Variants in DNAH11 observed in about 807,000 individuals in gnomAD.
The protein encoded by DNAH11 is axonemal beta dynein heavy chain 11.
A neutral mutation model predicts 526.0 loss-of-function variants in DNAH11; 442 were observed. The observed-to-expected ratio is 0.84, with a 90% CI of 0.78 to 0.91. The LOEUF (loss-of-function observed/expected upper bound fraction) is 0.91, where lower values mean the gene tolerates loss of function less well. DNAH11 is among the 40% of genes least tolerant of loss of function. The pLI is 0.00. For synonymous variants in DNAH11, 2,461 were observed against 1,935.9 expected (o/e 1.27, Z -7.12); for missense variants, 6,989 against 5,448.7 (o/e 1.28, Z -8.90).
intron 8 of DNAH11, 123 bp from the exon 9 acceptor site, chr7:21,581,782 A>C (rs1197219123): frequency 9.4e-6 from 6 of 641,314 alleles, no homozygotes; most frequent in Admixed American, 5.7e-5. Flanking sequence ...GCTATGAAAA[A>C]TAAATTCACT....
chr7:21,780,413 A>G (rs953608924), intron 57 of DNAH11, among the ~76,000 whole-genome samples: 7 of 152,160 alleles, frequency 4.6e-5, no homozygotes, highest in Admixed American at 3.9e-4. Context: ...AAAGCGTGTT[A>G]TTCCATTGAG....
chr7:21,898,604 C>A (rs1248717851), intron 79 of DNAH11, among the ~76,000 whole-genome samples: 1 of 152,162 alleles, frequency 6.6e-6, no homozygotes, highest in Non-Finnish European at 1.5e-5. Flanking sequence ...CTGAAACTTA[C>A]AATTCAAGGT....
At chr7:21,663,439 C>G (rs139624315) in intron 30 of DNAH11, among the ~76,000 whole-genome samples, 1 of 152,212 alleles carries the variant, frequency 6.6e-6, no homozygotes, top group Non-Finnish European at 1.5e-5. Flanking sequence ...TATATTCTCA[C>G]GAAGAATGTA....
intron 66 of DNAH11, among the ~76,000 whole-genome samples, chr7:21,849,970 AT>A (rs1262572082): frequency 7.1e-6 from 1 of 140,802 alleles, no homozygotes; most frequent in Non-Finnish European, 1.6e-5. Context: ...TTCCTTTTTA[AT>A]TTTTATTCTT....
chr7:21,647,715 G>C (rs1787426246), intron 28 of DNAH11, among the ~76,000 whole-genome samples: 1 of 151,862 alleles, frequency 6.6e-6, no homozygotes, highest in South Asian at 2.1e-4. Context: ...ACAGGCATTA[G>C]CCACTGCACC....
chr7:21,592,574 C>G (rs756683472), intron 14 of DNAH11, among the ~76,000 whole-genome samples: 2 of 152,050 alleles, frequency 1.3e-5, no homozygotes, highest in East Asian at 3.9e-4. Flanking sequence ...CAGAGACTTT[C>G]TGCTCAAAGG....
intron 35 of DNAH11, among the ~76,000 whole-genome samples, chr7:21,694,111 C>T (rs1270181502): frequency 2.0e-5 from 3 of 152,162 alleles, no homozygotes; most frequent in African/African-American, 7.2e-5. Flanking sequence ...AACTACAATT[C>T]AACATGAGAT....
intron 72 of DNAH11, 86 bp from the exon 73 acceptor site, chr7:21,868,778 C>T: frequency 6.5e-7 from 1 of 1,539,176 alleles, no homozygotes; most frequent in Non-Finnish European, 8.9e-7. Context: ...GCGGTGACCA[C>T]AGATGTGCAT....
At chr7:21,627,873 G>T (rs1211620502) in intron 25 of DNAH11, among the ~76,000 whole-genome samples, 1 of 152,002 alleles carries the variant, frequency 6.6e-6, no homozygotes, top group South Asian at 2.1e-4. Context: ...GGGTAATATT[G>T]TCATTTTAAC....
chr7:21,669,512 A>G (rs1324986341), intron 30 of DNAH11, among the ~76,000 whole-genome samples: 2 of 151,962 alleles, frequency 1.3e-5, no homozygotes, highest in African/African-American at 2.4e-5. Flanking sequence ...TTTATTTGGG[A>G]TACAAGTTTT....
At chr7:21,789,831 TC>T (rs754406996) in intron 61 of DNAH11, among the ~76,000 whole-genome samples, 39 of 144,022 alleles carry the variant, frequency 2.7e-4, no homozygotes, top group African/African-American at 8.7e-4. Flanking sequence ...TTTCTTTCTT[TC>T]TTTCTTTCTT....
chr7:21,713,056 T>A (rs575094119), intron 42 of DNAH11, among the ~76,000 whole-genome samples: 1 of 152,334 alleles, frequency 6.6e-6, no homozygotes, highest in Non-Finnish European at 1.5e-5. Flanking sequence ...TTGTAATGCT[T>A]TGATTTAGAG....
chr7:21,753,456 A>T (rs10240964), intron 54 of DNAH11, among the ~76,000 whole-genome samples: 6,835 of 152,246 alleles, frequency 0.045, 491 homozygotes, highest in African/African-American at 0.15. Flanking sequence ...TCCAGTGCCT[A>T]TGTGCTTTCA....
intron 54 of DNAH11, among the ~76,000 whole-genome samples, chr7:21,762,034 A>G (rs550750267): frequency 6.6e-6 from 1 of 152,276 alleles, no homozygotes; most frequent in South Asian, 2.1e-4. Context: ...AAGTGCATGC[A>G]GGGGAAATGC....
At chr7:21,720,697 C>G (rs1036808616) in intron 43 of DNAH11, 28 bp from the exon 44 acceptor site, 1 of 1,530,136 alleles carries the variant, frequency 6.5e-7, no homozygotes, top group Admixed American at 2.2e-5. Context: ...AAAAATGTTG[C>G]CTTATTTGAC....
chr7:21,595,344 A>G (rs1375799184), intron 14 of DNAH11, among the ~76,000 whole-genome samples: 6 of 152,156 alleles, frequency 3.9e-5, no homozygotes, highest in Non-Finnish European at 7.3e-5. Flanking sequence ...TTTCACATTC[A>G]AATTTTGGGA....
intron 56 of DNAH11, among the ~76,000 whole-genome samples, chr7:21,777,087 C>A (rs114707995): frequency 1.4e-3 from 215 of 152,196 alleles, no homozygotes; most frequent in African/African-American, 4.8e-3. Flanking sequence ...CGTTACCCCC[C>A]ACTTCTTCCC....
chr7:21,607,127 CT>C (rs1358413771), intron 20 of DNAH11, among the ~76,000 whole-genome samples: 1 of 151,920 alleles, frequency 6.6e-6, no homozygotes, highest in Non-Finnish European at 1.5e-5. Flanking sequence ...GGCCTTGAGT[CT>C]GTGGCCAAAG....
At chr7:21,900,973 C>CCACACAATT (rs1730737562) in intron 81 of DNAH11, 34 bp from the exon 82 acceptor site, 7 of 1,533,988 alleles carry the variant, frequency 4.6e-6, no homozygotes, top group Non-Finnish European at 6.1e-6. Flanking sequence ...TAGCAAGCTG[C>CCACACAATT]CACACAATTG....
Sources: allele counts gnomAD v4.1 joint callset (sites outside exome capture counted in the v4.1 genomes callset), GRCh38; gene constraint gnomAD v4.1.1; transcripts MANE v1.5; gene names NCBI Gene and HGNC (gene_info 2026-07-23, HGNC 2026-07-21).